The following CA5A variants were observed in gnomAD, a reference collection of about 807,000 sequenced individuals.
CA5A encodes the protein carbonic anhydrase 5A, also known as carbonic anhydrase 5A, mitochondrial.
Under a neutral mutation model 37.1 loss-of-function variants are expected in CA5A, and 28 were observed. The observed-to-expected ratio is 0.75, with a 90% CI of 0.56 to 1.03. The LOEUF (loss-of-function observed/expected upper bound fraction) is 1.03. Ranked by LOEUF, CA5A falls within the 50% of genes least tolerant of loss-of-function variation. The probability of loss-of-function intolerance (pLI) is 0.00; values close to 1 mark genes in which losing one functional copy is unlikely to be tolerated. For synonymous variants in CA5A, 171 were observed against 158.4 expected, an observed-to-expected ratio of 1.08 and a Z score of -0.60; for missense variants, 444 against 399.9, an observed-to-expected ratio of 1.11 and a Z score of -0.94.
intron 5 of CA5A, among the ~76,000 whole-genome samples, chr16:87,899,107 G>T (rs1191077981): frequency 6.6e-6 from 1 of 152,010 alleles, no homozygotes; most frequent in South Asian, 2.1e-4. Flanking sequence ...CTCAGGAGTG[G>T]TGGATCTGGG....
At chr16:87,906,795 G>T (rs1241054712) in intron 2 of CA5A, among the ~76,000 whole-genome samples, 2 of 152,194 alleles carry the variant, frequency 1.3e-5, no homozygotes, top group Non-Finnish European at 2.9e-5. Flanking sequence ...CAACCTCAGA[G>T]TCATATCTAG....
chr16:87,897,732 T>G (rs977609367), intron 5 of CA5A, among the ~76,000 whole-genome samples: 1 of 152,240 alleles, frequency 6.6e-6, no homozygotes, highest in African/African-American at 2.4e-5. Flanking sequence ...AAACGGGCTC[T>G]TCACCTGCCA....
chr16:87,923,728 A>G (rs7498733), intron 2 of CA5A: 146,700 of 984,834 alleles, frequency 0.15, 11,363 homozygotes, highest in East Asian at 0.24. Context: ...TTCAAAGTTT[A>G]TACTTTACGA....
At chr16:87,933,773 A>G (rs1054242524) in intron 1 of CA5A, among the ~76,000 whole-genome samples, 6 of 152,318 alleles carry the variant, frequency 3.9e-5, no homozygotes, top group African/African-American at 7.2e-5. Flanking sequence ...TTTAGTAACA[A>G]TATTCTTTTT....
chr16:87,906,910 A>G (rs1024684675), intron 2 of CA5A, among the ~76,000 whole-genome samples: 4 of 152,120 alleles, frequency 2.6e-5, no homozygotes, highest in African/African-American at 9.7e-5. Context: ...CCTTCCCACA[A>G]TAAGCACATA....
Position 87,923,909 on chromosome 16 carries a change from C to T in CA5A, c.340+2839G>A, listed in dbSNP as rs1053113689. 15 of 984,856 alleles carry T rather than the reference C, an allele frequency of 1.5e-5. No individual in the cohort carries two copies. In the African/African-American group the frequency reaches 2.4e-4, roughly 16 times the overall value. 61.0% of individuals were successfully genotyped at this position (984,856 alleles called of 1,614,324 possible). A position where few individuals can be genotyped will look rare whatever the true frequency, so the allele number is the denominator to read the frequency against. ...ATATTAACCCAAACAATTAAAAGTTCAGGAACTATTTTTGGTTTTTCAATA... is the reference window on the plus strand; with the variant it reads ...ATATTAACCCAAACAATTAAAAGTTTAGGAACTATTTTTGGTTTTTCAATA... On this transcript the variant is annotated intron_variant, in intron 2 of 6. Coordinates refer to ENST00000649794, the MANE Select transcript of CA5A (RefSeq NM_001739.2).
intron 2 of CA5A, among the ~76,000 whole-genome samples, chr16:87,921,800 T>G (rs1306577790): frequency 1.3e-5 from 2 of 152,220 alleles, no homozygotes; most frequent in Non-Finnish European, 2.9e-5. Flanking sequence ...GGATCTGCCT[T>G]GCACCTGCCA....
intron 2 of CA5A, chr16:87,923,605 G>A (rs980458766): frequency 2.6e-5 from 26 of 985,304 alleles, no homozygotes; most frequent in African/African-American, 7.0e-5. Flanking sequence ...GACATTAGCC[G>A]GGTGCCTGAT....
intron 2 of CA5A, among the ~76,000 whole-genome samples, chr16:87,922,287 G>T (rs2144047656): frequency 6.6e-6 from 1 of 152,274 alleles, no homozygotes; most frequent in East Asian, 1.9e-4. Context: ...AGGTTCCAGG[G>T]AAAGTTGCGA....
chr16:87,930,653 C>T (rs2056389604), intron 1 of CA5A, among the ~76,000 whole-genome samples: 1 of 151,692 alleles, frequency 6.6e-6, no homozygotes. Context: ...GGCGTGGGGA[C>T]AGCACAGGGT....
intron 3 of CA5A, among the ~76,000 whole-genome samples, chr16:87,903,392 T>C (rs150388761): frequency 1.8e-3 from 279 of 152,292 alleles, no homozygotes; most frequent in African/African-American, 6.5e-3. Context: ...GATCGTGAGA[T>C]AGCGCCACTG....
chr16:87,928,752 TTTTC>T (rs1307718321), intron 1 of CA5A, among the ~76,000 whole-genome samples: 1 of 131,090 alleles, frequency 7.6e-6, no homozygotes, highest in Non-Finnish European at 1.6e-5. Flanking sequence ...GATTATTTTC[TTTTC>T]TTTGTTTTTT....
rs1450189940 is a variant in CA5A, at chr16:87,936,517, G to A, written c.-67C>T. 1 of 1,597,076 alleles carries A rather than the reference G, an allele frequency of 6.3e-7. No homozygotes were observed. Reference sequence around the variant, plus strand: ...GTTCCCTGCTGTCTGTTCTCACTTTGATCAGGACCACTGTGGACTGGCGTG... The same window carrying A: ...GTTCCCTGCTGTCTGTTCTCACTTTAATCAGGACCACTGTGGACTGGCGTG... On this transcript the variant is annotated 5_prime_UTR_variant, in exon 1 of 7. Transcript: ENST00000649794.
At chr16:87,922,707 C>T (rs1416349500) in intron 2 of CA5A, among the ~76,000 whole-genome samples, 3 of 152,268 alleles carry the variant, frequency 2.0e-5, no homozygotes, top group African/African-American at 7.2e-5. Flanking sequence ...TGGGGACCGA[C>T]TGTGACCTTG....
Position 87,929,059 on chromosome 16 carries a change from G to A in CA5A, c.143-2114C>T, listed in dbSNP as rs1173807038. On this transcript the variant is annotated intron_variant, in intron 1 of 6. Coordinates refer to ENST00000649794, the MANE Select transcript of CA5A (RefSeq NM_001739.2). ...GCTGGGATTACAGGCGTGAGCCACC[G>A]CGCCCAGCCTTGGATTATTTTCTTC... Among the ~76,000 whole-genome samples the A allele has an allele frequency of 2.0e-5, 3 of 147,656 alleles. No individual in the cohort carries two copies. The East Asian group carries it at 6.4e-4, about 31-fold the overall frequency.
At chr16:87,894,048 T>C (rs1215583523) in intron 5 of CA5A, among the ~76,000 whole-genome samples, 1 of 152,248 alleles carries the variant, frequency 6.6e-6, no homozygotes, top group African/African-American at 2.4e-5. Flanking sequence ...CATAAGCCAC[T>C]GTGCCCAGCC....
chr16:87,923,843 T>G, intron 2 of CA5A: 1 of 984,960 alleles, frequency 1.0e-6, no homozygotes, highest in Non-Finnish European at 1.2e-6. Flanking sequence ...TCTGTATCCA[T>G]GACAACTATT....
intron 1 of CA5A, among the ~76,000 whole-genome samples, chr16:87,935,582 G>A (rs1383421218): frequency 6.6e-6 from 1 of 152,154 alleles, no homozygotes; most frequent in African/African-American, 2.4e-5. Context: ...AAATACAAGA[G>A]AAACGGAGTG....
chr16:87,902,045 A>G, intron 4 of CA5A, 71 bp from the exon 5 acceptor site: 1 of 1,350,460 alleles, frequency 7.4e-7, no homozygotes, highest in Non-Finnish European at 1.1e-6. Context: ...TCCACTGTAA[A>G]TACACCACGT....
Sources: allele counts gnomAD v4.1 joint callset (sites outside exome capture counted in the v4.1 genomes callset), GRCh38; gene constraint gnomAD v4.1.1; transcripts MANE v1.5; gene names NCBI Gene and HGNC (gene_info 2026-07-23, HGNC 2026-07-21).